Variants in NPAS3 observed in about 807,000 individuals in gnomAD.
The protein encoded by NPAS3 is neuronal PAS domain protein 3.
In NPAS3, 14 loss-of-function variants were observed where a neutral mutation model predicts 73.1. The observed-to-expected ratio is 0.19, with a 90% confidence interval of 0.13 to 0.30. The LOEUF is 0.30. Among genes scored for constraint, NPAS3 ranks in the 10% least tolerant of loss-of-function variants. The probability of loss-of-function intolerance (pLI) is 1.00; values close to 1 mark genes in which losing one functional copy is unlikely to be tolerated. For synonymous variants in NPAS3, 620 were observed against 541.5 expected, an observed-to-expected ratio of 1.14 and a Z score of -2.01; for missense variants, 1,096 against 1,250.0, an observed-to-expected ratio of 0.88 and a Z score of 1.86.
intron 8 of NPAS3, among the ~76,000 whole-genome samples, chr14:33,775,092 A>T (rs1434061786): frequency 6.6e-6 from 1 of 152,236 alleles, no homozygotes; most frequent in Non-Finnish European, 1.5e-5. Context: ...TTCTTCCTCA[A>T]GACTAAGCTT....
At chr14:33,087,142 A>AATATACAATATAATATTGTATAAT (rs2042055788) in intron 2 of NPAS3, among the ~76,000 whole-genome samples, 1 of 93,792 alleles carries the variant, frequency 1.1e-5, no homozygotes, top group Non-Finnish European at 2.1e-5. Flanking sequence ...ATTGTATAAT[A>AATATACAATATAATATTGTATAAT]ATATAGTATA....
At chr14:33,528,404 C>A (rs952489627) in intron 4 of NPAS3, among the ~76,000 whole-genome samples, 2 of 151,564 alleles carry the variant, frequency 1.3e-5, no homozygotes, top group East Asian at 3.9e-4. Context: ...CGCTCACAAT[C>A]TAGTGGGAAA....
At chr14:33,140,946 C>A (rs2044023174) in intron 2 of NPAS3, among the ~76,000 whole-genome samples, 1 of 152,164 alleles carries the variant, frequency 6.6e-6, no homozygotes, top group Non-Finnish European at 1.5e-5. Context: ...ATTCAAAAAG[C>A]AATCTGTATG....
intron 9 of NPAS3, among the ~76,000 whole-genome samples, chr14:33,781,890 A>G (rs1295258726): frequency 1.3e-4 from 20 of 152,354 alleles, no homozygotes; most frequent in Admixed American, 1.1e-3. Context: ...GTAAAGAGGA[A>G]TATCAGCTGT....
At chr14:33,785,726 A>C (rs1450750783) in intron 9 of NPAS3, among the ~76,000 whole-genome samples, 2 of 152,246 alleles carry the variant, frequency 1.3e-5, no homozygotes, top group South Asian at 2.1e-4. Flanking sequence ...AGGTCATTCA[A>C]ATCTCTTCAT....
intron 5 of NPAS3, among the ~76,000 whole-genome samples, chr14:33,592,441 T>C (rs10498315): frequency 0.37 from 55,850 of 152,020 alleles, 11,179 homozygotes; most frequent in South Asian, 0.51. Context: ...CATATGTGAT[T>C]GAGTGTTGGA....
intron 2 of NPAS3, among the ~76,000 whole-genome samples, chr14:33,121,475 TC>T (rs1368184412): frequency 6.6e-6 from 1 of 152,128 alleles, no homozygotes; most frequent in East Asian, 1.9e-4. Context: ...TGACTCTTGT[TC>T]ACTTTACCTG....
intron 5 of NPAS3, among the ~76,000 whole-genome samples, chr14:33,616,167 G>A (rs949536794): frequency 6.6e-6 from 1 of 152,216 alleles, no homozygotes; most frequent in Non-Finnish European, 1.5e-5. Context: ...TCTGGGGCTA[G>A]TGTGGTCCTG....
intron 4 of NPAS3, among the ~76,000 whole-genome samples, chr14:33,476,315 A>G (rs559705080): frequency 2.0e-5 from 3 of 152,332 alleles, no homozygotes; most frequent in East Asian, 1.9e-4. Flanking sequence ...AGCATAGCAT[A>G]TATCATTTAT....
At chr14:33,063,000 G>A (rs1264799945) in intron 2 of NPAS3, among the ~76,000 whole-genome samples, 1 of 152,198 alleles carries the variant, frequency 6.6e-6, no homozygotes, top group African/African-American at 2.4e-5. Flanking sequence ...AGTCCATGCA[G>A]TAATGTTTAG....
At chr14:33,063,590 G>GA (rs2041181483) in intron 2 of NPAS3, among the ~76,000 whole-genome samples, 1 of 152,030 alleles carries the variant, frequency 6.6e-6, no homozygotes, top group Non-Finnish European at 1.5e-5. Flanking sequence ...AATTTTATTG[G>GA]AAAATATCCA....
At chr14:33,736,789 G>A (rs746265459) in intron 7 of NPAS3, among the ~76,000 whole-genome samples, 6 of 152,112 alleles carry the variant, frequency 3.9e-5, no homozygotes, top group South Asian at 2.1e-4. Flanking sequence ...TCCCAGGAGG[G>A]AAGAAGGGTG....
chr14:33,664,788 G>T (rs965664195), intron 5 of NPAS3, among the ~76,000 whole-genome samples: 1 of 152,218 alleles, frequency 6.6e-6, no homozygotes, highest in Non-Finnish European at 1.5e-5. Flanking sequence ...TCAGAGAAAT[G>T]CAAATCAAAA....
Position 33,800,058 on chromosome 14 carries a change from A to G in NPAS3, c.1751A>G (p.Asp584Gly), listed in dbSNP as rs1481257280. Residue 584 changes from aspartate to glycine, a missense_variant, in exon 12 of 12, where the codon GAC becomes GGC. By Grantham distance (94) the Asp-to-Gly change is moderately conservative. Coordinates refer to ENST00000356141, the Ensembl canonical transcript of NPAS3. The surrounding 1 kb of genome is among the most constrained non-coding windows in gnomAD (Gnocchi z 6.5). ...ACGTCCGACAGCGCCAAGGACTCGG[A>G]CAGCGCAGGCGAGGCGGGCGCGCAG... The G allele has an allele frequency of 6.2e-7, 1 of 1,605,950 alleles. No individual in the cohort carries two copies.
At chr14:33,577,850 C>T (rs959459487) in intron 5 of NPAS3, among the ~76,000 whole-genome samples, 5 of 152,172 alleles carry the variant, frequency 3.3e-5, no homozygotes, top group South Asian at 2.1e-4. Context: ...ATAGTCCTTA[C>T]GACAGCTTGA....
intron 2 of NPAS3, among the ~76,000 whole-genome samples, chr14:33,096,267 T>C (rs780024458): frequency 6.6e-6 from 1 of 152,154 alleles, no homozygotes; most frequent in African/African-American, 2.4e-5. Context: ...CCATTGCTAA[T>C]TGAACTGTGT....
intron 4 of NPAS3, among the ~76,000 whole-genome samples, chr14:33,483,784 G>A (rs976780716): frequency 2.6e-5 from 4 of 152,128 alleles, no homozygotes; most frequent in Non-Finnish European, 4.4e-5. Flanking sequence ...TTTCCCCTCC[G>A]TTGAAATATG....
intron 1 of NPAS3, among the ~76,000 whole-genome samples, chr14:32,961,936 A>G (rs917876837): frequency 6.6e-6 from 1 of 152,220 alleles, no homozygotes; most frequent in African/African-American, 2.4e-5. Flanking sequence ...TCTGTTGCCT[A>G]AGTGTAATAC....
chr14:33,259,628 G>A (rs561715831), intron 3 of NPAS3, among the ~76,000 whole-genome samples: 3 of 152,252 alleles, frequency 2.0e-5, no homozygotes, highest in African/African-American at 7.2e-5. Context: ...GAGACATATT[G>A]TAAGTCATAT....
Sources: gnomAD v4.1 joint callset for allele counts (sites outside exome capture counted in the v4.1 genomes callset) on GRCh38, gnomAD v4.1.1 for gene constraint, Gnocchi (gnomAD v3.1) non-coding constraint, MANE v1.5 for transcripts, NCBI Gene and HGNC (gene_info 2026-07-23, HGNC 2026-07-21) for gene names.